ABCE1: variants seen among roughly 807,000 people sequenced by gnomAD.
The protein encoded by ABCE1 is ATP binding cassette subfamily E member 1.
Under a neutral mutation model 83.4 loss-of-function variants are expected in ABCE1, and 22 were observed. The ratio of observed to expected loss-of-function variants is 0.26; its 90% confidence interval spans 0.19 to 0.38. The LOEUF (loss-of-function observed/expected upper bound fraction) is 0.38. ABCE1 is among the 10% of genes least tolerant of loss of function. The pLI is 1.00. For missense variants in ABCE1, 330 were observed against 721.9 expected (o/e 0.46, Z 6.22); for synonymous variants, 204 against 233.7 (o/e 0.87, Z 1.16).
intron 9 of ABCE1, among the ~76,000 whole-genome samples, chr4:145,114,984 A>C (rs976415713): frequency 1.3e-5 from 2 of 152,018 alleles, no homozygotes; most frequent in East Asian, 1.9e-4. Flanking sequence ...GATAATGAAA[A>C]ATAGAGGATG....
chr4:145,107,023 G>C (rs1446180164), intron 3 of ABCE1, among the ~76,000 whole-genome samples: 1 of 152,026 alleles, frequency 6.6e-6, no homozygotes, highest in Non-Finnish European at 1.5e-5. Context: ...ATTTTTGCAT[G>C]TACCTCTGTA....
chr4:145,121,286 A>G, intron 12 of ABCE1, 47 bp from the exon 13 acceptor site: 1 of 1,612,292 alleles, frequency 6.2e-7, no homozygotes, highest in East Asian at 2.2e-5. Context: ...GTAAACTTTA[A>G]AGATCTGGGC....
At chr4:145,124,623 A>C (rs1241564555) in intron 16 of ABCE1, among the ~76,000 whole-genome samples, 1 of 152,126 alleles carries the variant, frequency 6.6e-6, no homozygotes, top group Non-Finnish European at 1.5e-5. Context: ...TCATATAAAT[A>C]TAACTTTTTA....
chr4:145,127,401 A>G, intron 17 of ABCE1, 125 bp from the exon 18 acceptor site: 9 of 752,756 alleles, frequency 1.2e-5, no homozygotes, highest in Non-Finnish European at 2.0e-5. Context: ...AACAGATGGT[A>G]TGTGCAGAAC....
chr4:145,119,132 T>A (rs971422829), intron 10 of ABCE1, among the ~76,000 whole-genome samples: 1 of 151,940 alleles, frequency 6.6e-6, no homozygotes. Context: ...TGAACACCTG[T>A]GTTCTAGGAT....
intron 16 of ABCE1, 199 bp downstream of exon 16, chr4:145,123,799 C>G: frequency 2.5e-6 from 1 of 398,816 alleles, no homozygotes; most frequent in Non-Finnish European, 4.5e-6. Context: ...GAATCCCTCA[C>G]CAGGAAGATA....
chr4:145,126,399 A>G (rs1362470401), intron 17 of ABCE1, among the ~76,000 whole-genome samples: 3 of 151,938 alleles, frequency 2.0e-5, no homozygotes, highest in Admixed American at 6.6e-5. Context: ...AGTTCAAGCA[A>G]TTCTCTGCCT....
chr4:145,128,425 G>GT lies in ABCE1; in HGVS notation c.*853dup, dbSNP rs1749952364. 1 of 152,290 alleles carries GT rather than the reference G, an allele frequency of 6.6e-6. No individual in the cohort carries two copies. The highest frequency in any genetic ancestry group is 2.1e-4 in the South Asian group (1 of 4,826). 9.4% of individuals were successfully genotyped at this position (152,290 alleles called of 1,614,324 possible). ...TTAAAGATGGTGCCTAAGCATCTAT[G>GT]TATTTTTTTTAAGTTCCACAGATTT... On this transcript the variant is annotated 3_prime_UTR_variant, in exon 18 of 18. Transcript: ENST00000296577.
intron 3 of ABCE1, among the ~76,000 whole-genome samples, chr4:145,107,628 A>G (rs866316625): frequency 1.3e-5 from 2 of 152,206 alleles, no homozygotes; most frequent in Non-Finnish European, 2.9e-5. Context: ...GTGCAGATCT[A>G]CATACACGTG....
Position 145,101,981 on chromosome 4 carries a change from A to G in ABCE1, c.-27-2405A>G, listed in dbSNP as rs36069934. 8.0e-4 allele frequency among the ~76,000 whole-genome samples: 122 copies of G among 152,290 alleles called. 1 individual carries two copies. Among genetic ancestry groups the G allele is most frequent in the African/African-American group, 2.9e-3 (121 of 41,552 alleles). ...CAACTTGGGGAATGAGTATATGTGG[A>G]AAAAAATGACCAAGTCTTAGAGCAC... is the stretch of plus-strand genomic sequence containing the variant. On this transcript the variant is annotated intron_variant, in intron 1 of 17. Coordinates refer to ENST00000296577, the MANE Select transcript of ABCE1 (RefSeq NM_002940.3).
At chr4:145,112,216 C>CTTTTTTTT (rs4148239) in intron 8 of ABCE1, 23 bp from the exon 9 acceptor site, 33 of 1,130,574 alleles carry the variant, frequency 2.9e-5, no homozygotes, top group South Asian at 9.8e-5. Flanking sequence ...CTTATATTTG[C>CTTTTTTTT]TTTTTTTTTT....
intron 1 of ABCE1, among the ~76,000 whole-genome samples, chr4:145,100,649 CT>C (rs1749123952): frequency 6.6e-6 from 1 of 152,190 alleles, no homozygotes; most frequent in African/African-American, 2.4e-5. Flanking sequence ...CTCTTCTAAT[CT>C]TTACAAGACC....
intron 9 of ABCE1, 37 bp downstream of exon 9, chr4:145,112,365 T>C: frequency 7.3e-7 from 1 of 1,362,318 alleles, no homozygotes; most frequent in Non-Finnish European, 1.0e-6. Context: ...TGTTGTTTTG[T>C]TTGGAGATTT....
Position 145,108,050 on chromosome 4 carries a change from A to G in ABCE1, c.225A>G (p.Leu75=), listed in dbSNP as rs1217814665. The change falls in exon 4 of 18, where the codon CTA becomes CTG. Residue 75 remains leucine (L), a synonymous_variant. Transcript: ENST00000296577. ...TTGGCGCCTTATCAATTGTCAATCT[A>G]CCAAGCAACTTGGAAAAAGAAACCA... ...CPFGALSIVN[L]PSNLEKETTH... The G allele has an allele frequency of 8.1e-6, 13 of 1,613,616 alleles. No homozygotes were observed. Among genetic ancestry groups the G allele is most frequent in the South Asian group, 1.1e-5 (1 of 90,990 alleles).
At chr4:145,106,669 T>C (rs1749313263) in intron 3 of ABCE1, among the ~76,000 whole-genome samples, 1 of 152,122 alleles carries the variant, frequency 6.6e-6, no homozygotes, top group Non-Finnish European at 1.5e-5. Flanking sequence ...AACACTAAGA[T>C]ATTATAATGT....
chr4:145,112,114 C>G (rs767731093), intron 8 of ABCE1, 125 bp from the exon 9 acceptor site: 67 of 630,524 alleles, frequency 1.1e-4, no homozygotes, highest in Non-Finnish European at 1.6e-4. Flanking sequence ...CTCTTCATTA[C>G]TATTGGAGAT....
At chr4:145,118,953 G>A (rs936260282) in intron 10 of ABCE1, among the ~76,000 whole-genome samples, 1 of 151,702 alleles carries the variant, frequency 6.6e-6, no homozygotes, top group African/African-American at 2.4e-5. Context: ...TTAGGTATTT[G>A]AACCAAGTGG....
intron 16 of ABCE1, among the ~76,000 whole-genome samples, chr4:145,124,311 C>T (rs1195641822): frequency 6.6e-6 from 1 of 151,314 alleles, no homozygotes; most frequent in Non-Finnish European, 1.5e-5. Flanking sequence ...AATAATTCAT[C>T]TAAGAAATAA....
At chr4:145,111,755 G>A (rs958005773) in intron 8 of ABCE1, among the ~76,000 whole-genome samples, 4 of 152,180 alleles carry the variant, frequency 2.6e-5, no homozygotes, top group African/African-American at 4.8e-5. Flanking sequence ...TGAAAGAGAG[G>A]AGAGGAAAGT....
Sources: allele counts gnomAD v4.1 joint callset (sites outside exome capture counted in the v4.1 genomes callset), GRCh38; gene constraint gnomAD v4.1.1; transcripts MANE v1.5; gene names NCBI Gene and HGNC (gene_info 2026-07-23, HGNC 2026-07-21).